SNX29: variants seen among roughly 807,000 people sequenced by gnomAD.
The protein encoded by SNX29 is sorting nexin 29, also known as sorting nexin-29.
A neutral mutation model predicts 102.1 loss-of-function variants in SNX29; 78 were observed. That is an observed-to-expected ratio of 0.76 (90% confidence interval 0.64 to 0.92). The LOEUF (loss-of-function observed/expected upper bound fraction) is 0.92, where lower values mean the gene tolerates loss of function less well. SNX29 is among the 40% of genes least tolerant of loss of function. The pLI is 0.00. For missense variants in SNX29, 1,280 were observed against 1,061.7 expected (o/e 1.21, Z -2.86); for synonymous variants, 580 against 414.5 (o/e 1.40, Z -4.85).
intron 18 of SNX29, among the ~76,000 whole-genome samples, chr16:12,416,167 C>T (rs1169697663): frequency 2.0e-5 from 3 of 152,106 alleles, no homozygotes; most frequent in African/African-American, 7.2e-5. Flanking sequence ...GGTTTCTGAC[C>T]CCAGAGACTG....
At position 12,013,496 on chromosome 16, in the gene SNX29, AAAAAATATATATATAT is replaced by A. The variant is rs1293709146; in HGVS notation, c.122+10455_122+10470del. ...CCCTGTCTCTACTGGGGGAAAAAAA[AAAAAATATATATATAT>A]ATATATATATATATATATATATATA... On this transcript the variant is annotated intron_variant, in intron 3 of 20. Transcript: ENST00000566228. Among the ~76,000 whole-genome samples the A allele has an allele frequency of 6.3e-5, 2 of 31,600 alleles. 1 individual carries two copies. The highest frequency in any genetic ancestry group is 1.1e-4 in the Non-Finnish European group (2 of 18,278). The allele number at this position is 31,600 out of a possible 152,430, so 20.7% of individuals were successfully genotyped here.
chr16:12,241,103 T>C (rs996934040), intron 14 of SNX29, among the ~76,000 whole-genome samples: 1 of 152,216 alleles, frequency 6.6e-6, no homozygotes, highest in African/African-American at 2.4e-5. Context: ...TTGTGTTTGC[T>C]CATTTTCTAG....
chr16:12,500,837 C>T (rs2089085531), intron 19 of SNX29, among the ~76,000 whole-genome samples: 2 of 152,222 alleles, frequency 1.3e-5, no homozygotes, highest in African/African-American at 4.8e-5. Flanking sequence ...TTTGCAGTTG[C>T]TATCAGATTG....
chr16:12,540,980 G>T (rs2077308609), intron 20 of SNX29, among the ~76,000 whole-genome samples: 1 of 152,172 alleles, frequency 6.6e-6, no homozygotes, highest in Admixed American at 6.5e-5. Context: ...GATGCTACAG[G>T]GGAAAAATGG....
intron 11 of SNX29, among the ~76,000 whole-genome samples, chr16:12,080,372 T>A (rs529023908): frequency 9.9e-5 from 15 of 152,118 alleles, no homozygotes; most frequent in Non-Finnish European, 1.6e-4. Context: ...TGAGCATGTG[T>A]GGTTTACTGT....
In SNX29 at chr16:12,552,649, G is replaced by T. The variant is rs184751183; in HGVS notation, c.2319-15857G>T. Among the ~76,000 whole-genome samples the T allele has an allele frequency of 1.9e-4, 29 of 152,352 alleles. 1 individual carries two copies. In the East Asian group the frequency reaches 3.7e-3, roughly 19 times the overall value. ...CAAACACCAAACAAATGGAAGGATT[G>T]CAATGGGAGACCCAGGCCATGCAGG... On this transcript the variant is annotated intron_variant, in intron 20 of 20. Coordinates refer to ENST00000566228, the MANE Select transcript of SNX29 (RefSeq NM_032167.5).
chr16:12,168,138 G>A (rs1303054636), intron 13 of SNX29, among the ~76,000 whole-genome samples: 1 of 152,196 alleles, frequency 6.6e-6, no homozygotes. Context: ...TACAAAGAGA[G>A]AATTGCTCTG....
At chr16:12,197,853 C>CTT (rs746331829) in intron 13 of SNX29, among the ~76,000 whole-genome samples, 3 of 143,422 alleles carry the variant, frequency 2.1e-5, no homozygotes, top group South Asian at 2.2e-4. Flanking sequence ...GAGTTTGATC[C>CTT]TTTTTTTTTT....
chr16:12,270,488 C>T (rs1313765893), intron 14 of SNX29, among the ~76,000 whole-genome samples: 3 of 152,100 alleles, frequency 2.0e-5, no homozygotes, highest in Admixed American at 1.3e-4. Flanking sequence ...CGATGTTGTG[C>T]TTGCATGAAC....
chr16:12,378,285 G>A (rs1327855011), intron 16 of SNX29, among the ~76,000 whole-genome samples: 1 of 152,154 alleles, frequency 6.6e-6, no homozygotes, highest in Non-Finnish European at 1.5e-5. Flanking sequence ...TATGTGCAGA[G>A]ATCACATCGA....
chr16:12,558,302 C>T (rs146667566), intron 20 of SNX29, among the ~76,000 whole-genome samples: 4 of 152,040 alleles, frequency 2.6e-5, no homozygotes, highest in South Asian at 2.1e-4. Flanking sequence ...GCGAGATGGC[C>T]CCTGGTCACC....
rs370325373 is a variant in SNX29, at chr16:12,298,531, C to G, written c.1782+20495C>G. 1.4e-4 allele frequency among the ~76,000 whole-genome samples: 21 copies of G among 152,290 alleles called. No homozygotes were observed. In the South Asian group the frequency reaches 4.1e-3, roughly 30 times the overall value. On this transcript the variant is annotated intron_variant, in intron 15 of 20. Coordinates refer to ENST00000566228, the MANE Select transcript of SNX29 (RefSeq NM_032167.5). Reference sequence around the variant, plus strand: ...CTGTAAAATGGGAATGGTAATAGTTCCTACCTCCTAGTGTTACTGTGAAGA... The same window carrying G: ...CTGTAAAATGGGAATGGTAATAGTTGCTACCTCCTAGTGTTACTGTGAAGA...
chr16:12,191,654 C>T (rs927128901), intron 13 of SNX29, among the ~76,000 whole-genome samples: 4 of 152,088 alleles, frequency 2.6e-5, no homozygotes, highest in South Asian at 2.1e-4. Flanking sequence ...GAAAAGGTGG[C>T]GGGGTTGGAG....
At chr16:12,556,794 G>GC (rs1483828534) in intron 20 of SNX29, among the ~76,000 whole-genome samples, 2 of 152,096 alleles carry the variant, frequency 1.3e-5, no homozygotes, top group Non-Finnish European at 2.9e-5. Flanking sequence ...GTCAACAGTT[G>GC]CCCCCTTTAC....
chr16:12,467,662 CTCAT>C (rs1413493820), intron 18 of SNX29, among the ~76,000 whole-genome samples: 2 of 151,694 alleles, frequency 1.3e-5, no homozygotes, highest in Non-Finnish European at 2.9e-5. Context: ...ATTCCATTCA[CTCAT>C]TCATTCATTC....
At chr16:12,245,290 G>A (rs2142331988) in intron 14 of SNX29, among the ~76,000 whole-genome samples, 1 of 152,214 alleles carries the variant, frequency 6.6e-6, no homozygotes, top group East Asian at 1.9e-4. Context: ...GTTAAATGGG[G>A]TAATGAGAAG....
At chr16:12,245,776 C>A (rs137921092) in intron 14 of SNX29, among the ~76,000 whole-genome samples, 1 of 151,986 alleles carries the variant, frequency 6.6e-6, no homozygotes, top group African/African-American at 2.4e-5. Context: ...AGCTCTGGGG[C>A]AGGCAGCTTT....
At chr16:12,390,740 C>G (rs1383135625) in intron 16 of SNX29, among the ~76,000 whole-genome samples, 1 of 152,024 alleles carries the variant, frequency 6.6e-6, no homozygotes, top group East Asian at 1.9e-4. Context: ...TTGGAGCTTC[C>G]TAACAACCCC....
intron 13 of SNX29, among the ~76,000 whole-genome samples, chr16:12,137,836 GC>G (rs1272389975): frequency 3.9e-5 from 6 of 152,338 alleles, no homozygotes; most frequent in African/African-American, 1.4e-4. Context: ...TTGAATTCCA[GC>G]CCAGCTTGGG....
Sources: gnomAD v4.1 joint callset for allele counts (sites outside exome capture counted in the v4.1 genomes callset) on GRCh38, gnomAD v4.1.1 for gene constraint, MANE v1.5 for transcripts, NCBI Gene and HGNC (gene_info 2026-07-23, HGNC 2026-07-21) for gene names.